CSNK1G1: variants seen among roughly 807,000 people sequenced by gnomAD.
The protein encoded by CSNK1G1 is casein kinase I isoform gamma-1.
Under a neutral mutation model 59.6 loss-of-function variants are expected in CSNK1G1, and 22 were observed. The observed-to-expected ratio is 0.37, with a 90% CI of 0.26 to 0.53. CSNK1G1 has a LOEUF of 0.53. Among genes scored for constraint, CSNK1G1 ranks in the 20% least tolerant of loss-of-function variants. The pLI is 0.89. For missense variants in CSNK1G1, 384 were observed against 519.5 expected, an observed-to-expected ratio of 0.74 and a Z score of 2.54; for synonymous variants, 179 against 177.1, an observed-to-expected ratio of 1.01 and a Z score of -0.08.
intron 2 of CSNK1G1, among the ~76,000 whole-genome samples, chr15:64,264,594 C>T (rs1892880927): frequency 1.3e-5 from 2 of 152,132 alleles, no homozygotes; most frequent in Admixed American, 6.5e-5. Context: ...GGCCAATATC[C>T]CTGATGAAAA....
chr15:64,355,387 C>A (rs1898592441), intron 1 of CSNK1G1, among the ~76,000 whole-genome samples: 8 of 152,186 alleles, frequency 5.3e-5, no homozygotes, highest in Admixed American at 4.6e-4. Context: ...GTGATGCCTG[C>A]CCACTTGGGG....
chr15:64,316,522 C>A (rs1246504380), intron 1 of CSNK1G1, among the ~76,000 whole-genome samples: 1 of 102,238 alleles, frequency 9.8e-6, no homozygotes, highest in Admixed American at 1.5e-4. Flanking sequence ...GACGAGAGAG[C>A]AAGACTCTGT....
At chr15:64,266,214 A>C (rs539447485) in intron 2 of CSNK1G1, among the ~76,000 whole-genome samples, 2 of 151,980 alleles carry the variant, frequency 1.3e-5, no homozygotes, top group Non-Finnish European at 2.9e-5. Context: ...AGGCATGAGG[A>C]CCACACCCTG....
Position 64,300,469 on chromosome 15 carries a change from T to C in CSNK1G1, c.31A>G (p.Arg11Gly), listed in dbSNP as rs754838080. ...GCCATGGGTTTAGTTGTCCGTTGTC[T>C]TTCATCCTTTTCCCTACTAGGATGG... MDHPSREKDE[R>G]QRTTKPMAQR... Residue 11 changes from arginine (R) to glycine (G), a missense_variant, in exon 2 of 12, where the codon AGA (arginine) becomes GGA (glycine). This residue lies in a region of CSNK1G1 where 56 missense variants were observed against 60.8 expected (regional missense o/e 0.92). Coordinates refer to ENST00000303052, the MANE Select transcript of CSNK1G1 (RefSeq NM_022048.5). 1 of 1,614,230 alleles carries C rather than the reference T, an allele frequency of 6.2e-7. No homozygotes were observed. The highest frequency in any genetic ancestry group is 8.5e-7 in the Non-Finnish European group (1 of 1,180,032).
intron 2 of CSNK1G1, among the ~76,000 whole-genome samples, chr15:64,281,810 AAAAAG>A (rs1009369095): frequency 3.2e-4 from 49 of 152,186 alleles, no homozygotes; most frequent in Non-Finnish European, 6.0e-4. Context: ...GAGAAAAAAA[AAAAAG>A]AAAAGAAAAA....
At chr15:64,308,829 G>A (rs570735749) in intron 1 of CSNK1G1, among the ~76,000 whole-genome samples, 40 of 151,854 alleles carry the variant, frequency 2.6e-4, no homozygotes, top group Non-Finnish European at 4.6e-4. Context: ...CCCGGGAGGC[G>A]GAGCTTGCAG....
At chr15:64,301,039 G>T (rs1546596) in intron 1 of CSNK1G1, among the ~76,000 whole-genome samples, 147,227 of 152,288 alleles carry the variant, frequency 0.97, 71,327 homozygotes, top group East Asian at 1. Context: ...CAGAAATACA[G>T]AGCAGTGCTA....
At chr15:64,189,389 T>C (rs1283151951) in intron 10 of CSNK1G1, 9 of 1,270,752 alleles carry the variant, frequency 7.1e-6, no homozygotes, top group Non-Finnish European at 8.2e-6. Flanking sequence ...ATGTGACTTT[T>C]GTCCAGAAGA....
At chr15:64,321,722 A>C (rs1166660602) in intron 1 of CSNK1G1, among the ~76,000 whole-genome samples, 1 of 152,250 alleles carries the variant, frequency 6.6e-6, no homozygotes, top group Admixed American at 6.5e-5. Context: ...CGGTAAATTT[A>C]AAAGTGTCTG....
chr15:64,253,241 A>T (rs2140321177), intron 3 of CSNK1G1, among the ~76,000 whole-genome samples: 1 of 152,242 alleles, frequency 6.6e-6, no homozygotes, highest in Non-Finnish European at 1.5e-5. Context: ...GCTACTCAGG[A>T]GGATGAGGTG....
chr15:64,206,598 A>G (rs1291727444), intron 7 of CSNK1G1, among the ~76,000 whole-genome samples: 1 of 149,234 alleles, frequency 6.7e-6, no homozygotes, highest in East Asian at 1.9e-4. Context: ...AAAAAAAAAA[A>G]AAAAAAAAAA....
chr15:64,192,127 A>C (rs972568285), intron 10 of CSNK1G1, among the ~76,000 whole-genome samples: 3 of 152,250 alleles, frequency 2.0e-5, no homozygotes, highest in Non-Finnish European at 4.4e-5. Flanking sequence ...GATTAAGCAA[A>C]CTAGTGGAAG....
chr15:64,314,065 C>A (rs1446449419), intron 1 of CSNK1G1, among the ~76,000 whole-genome samples: 2 of 152,104 alleles, frequency 1.3e-5, no homozygotes, highest in Non-Finnish European at 2.9e-5. Flanking sequence ...TATCAAAGAT[C>A]TGCTAAACTA....
chr15:64,214,965 A>G lies in CSNK1G1; in HGVS notation c.445-841T>C, dbSNP rs1202515465. On this transcript the variant is annotated intron_variant, in intron 5 of 11. Coordinates refer to ENST00000303052, the MANE Select transcript of CSNK1G1 (RefSeq NM_022048.5). This position sits in a 1 kb window ranked among gnomAD's most constrained non-coding sequence, Gnocchi z 4.3. ...AAACAGTTCATCGTTGTTGTTTTAA[A>G]TTTATTTTCAGATTATTTTTGTAGA... Among the ~76,000 whole-genome samples, 1 of 151,472 alleles carries G rather than the reference A, an allele frequency of 6.6e-6. No homozygotes were observed. The highest frequency in any genetic ancestry group is 2.0e-4 in the East Asian group (1 of 5,124).
chr15:64,195,637 T>C (rs1238019663), intron 10 of CSNK1G1, among the ~76,000 whole-genome samples: 1 of 152,216 alleles, frequency 6.6e-6, no homozygotes, highest in Non-Finnish European at 1.5e-5. Context: ...TACTTCCTGA[T>C]TGAATTTGAT....
intron 4 of CSNK1G1, among the ~76,000 whole-genome samples, chr15:64,229,988 C>G (rs2082524739): frequency 7.6e-6 from 1 of 131,518 alleles, no homozygotes; most frequent in Admixed American, 9.1e-5. Flanking sequence ...GTGGCGCGAC[C>G]TCGGCTCACT....
rs192930370 is a variant in CSNK1G1, at chr15:64,224,103, A to G, written c.293-7390T>C. The stretch of plus-strand genomic sequence containing the variant: ...AATTAGTCTTTCATTCTTTTTTAAA[A>G]ACTAAATTACCTAACTATGAAGGAC... On this transcript the variant is annotated intron_variant, in intron 4 of 11. Coordinates refer to ENST00000303052, the MANE Select transcript of CSNK1G1 (RefSeq NM_022048.5). 3.3e-5 allele frequency among the ~76,000 whole-genome samples: 5 copies of G among 152,316 alleles called. No individual in the cohort carries two copies. In the East Asian group the frequency reaches 9.6e-4, roughly 29 times the overall value.
chr15:64,235,070 C>CA (rs1269635549), intron 4 of CSNK1G1, among the ~76,000 whole-genome samples: 1 of 151,650 alleles, frequency 6.6e-6, no homozygotes, highest in Non-Finnish European at 1.5e-5. Flanking sequence ...GGAGGAGGGT[C>CA]AAAAAAAGTG....
chr15:64,181,663 G>A lies in CSNK1G1; in HGVS notation c.1108-1209C>T, dbSNP rs574308559. The A allele has an allele frequency of 1.0e-4, 45 of 437,246 alleles. 1 individual carries two copies. The South Asian group carries it at 1.4e-3, about 14-fold the overall frequency. The allele number at this position is 437,246 out of a possible 1,614,324, so 27.1% of individuals were successfully genotyped here. A position where few individuals can be genotyped will look rare whatever the true frequency, so the allele number is the denominator to read the frequency against. ...ACCCCAGCTCCACCAGTTATTTGCT[G>A]TGGGTCTTTGGGCAAGATCCTCAGT... On this transcript the variant is annotated intron_variant, in intron 10 of 11. Transcript: ENST00000303052.
Sources: allele counts gnomAD v4.1 joint callset (sites outside exome capture counted in the v4.1 genomes callset), GRCh38; gene constraint gnomAD v4.1.1; regional missense constraint gnomAD v4.1.1; non-coding constraint Gnocchi (gnomAD v3.1); transcripts MANE v1.5; gene names NCBI Gene and HGNC (gene_info 2026-07-23, HGNC 2026-07-21).